GNG12: variants seen among roughly 807,000 people sequenced by gnomAD.
GNG12 encodes the protein G protein subunit gamma 12.
For missense variants in GNG12, 69 were observed against 83.8 expected, an observed-to-expected ratio of 0.82 and a Z score of 0.69; for synonymous variants, 28 against 29.7, an observed-to-expected ratio of 0.94 and a Z score of 0.19.
chr1:67,770,077 A>C (rs1437536653), intron 2 of GNG12, among the ~76,000 whole-genome samples: 1 of 152,208 alleles, frequency 6.6e-6, no homozygotes, highest in African/African-American at 2.4e-5. Context: ...TTAAGATGCG[A>C]AAGTGAAGGT....
chr1:67,792,907 T>C (rs1277549560), intron 1 of GNG12, among the ~76,000 whole-genome samples: 1 of 152,186 alleles, frequency 6.6e-6, no homozygotes. Context: ...AAGAGCAGTG[T>C]TTCCTTCATG....
At chr1:67,818,413 GTTTTTTT>G (rs1163831257) in intron 1 of GNG12, among the ~76,000 whole-genome samples, 1,655 of 83,904 alleles carry the variant, frequency 0.02, 43 homozygotes, top group African/African-American at 0.062. Context: ...AAGACCAGGG[GTTTTTTT>G]TTTTTTTTTT....
At chr1:67,771,875 A>G (rs998839457) in intron 2 of GNG12, among the ~76,000 whole-genome samples, 5 of 152,226 alleles carry the variant, frequency 3.3e-5, no homozygotes, top group African/African-American at 1.2e-4. Context: ...GGCAACTATG[A>G]TTGTGGAAAG....
intron 2 of GNG12, among the ~76,000 whole-genome samples, chr1:67,725,052 G>A (rs746893488): frequency 3.3e-5 from 5 of 152,066 alleles, no homozygotes; most frequent in Non-Finnish European, 7.4e-5. Context: ...AATGTCCACA[G>A]CACAAAGGAA....
At chr1:67,749,886 T>C (rs952171349) in intron 2 of GNG12, among the ~76,000 whole-genome samples, 2 of 152,224 alleles carry the variant, frequency 1.3e-5, no homozygotes, top group Non-Finnish European at 2.9e-5. Flanking sequence ...AGGTAAGGAC[T>C]CTGCCTCTCA....
chr1:67,737,633 G>C (rs1646459823), intron 2 of GNG12, among the ~76,000 whole-genome samples: 1 of 151,124 alleles, frequency 6.6e-6, no homozygotes, highest in Non-Finnish European at 1.5e-5. Flanking sequence ...AAATGTATAA[G>C]CACTAGCTTT....
chr1:67,783,016 C>A (rs1211219455), intron 1 of GNG12, among the ~76,000 whole-genome samples: 9 of 152,266 alleles, frequency 5.9e-5, no homozygotes, highest in African/African-American at 2.2e-4. Flanking sequence ...AACAATTTAT[C>A]TCTAGTCCTC....
At chr1:67,763,692 G>A (rs1157715024) in intron 2 of GNG12, among the ~76,000 whole-genome samples, 1 of 151,980 alleles carries the variant, frequency 6.6e-6, no homozygotes, top group East Asian at 1.9e-4. Flanking sequence ...TTTTACACAA[G>A]CATGTCCTTA....
At chr1:67,803,941 G>A (rs934538650) in intron 1 of GNG12, among the ~76,000 whole-genome samples, 16 of 152,200 alleles carry the variant, frequency 1.1e-4, no homozygotes, top group African/African-American at 3.9e-4. Context: ...CAAAAAACAC[G>A]CAACTGGAGA....
chr1:67,790,859 C>T (rs1301539624), intron 1 of GNG12, among the ~76,000 whole-genome samples: 1 of 152,124 alleles, frequency 6.6e-6, no homozygotes, highest in African/African-American at 2.4e-5. Context: ...CGTGATCTAC[C>T]CGCCTTGGCC....
chr1:67,714,799 T>C (rs1646315585), intron 2 of GNG12, among the ~76,000 whole-genome samples: 1 of 152,144 alleles, frequency 6.6e-6, no homozygotes, highest in Admixed American at 6.5e-5. Flanking sequence ...AAGGAGGCAA[T>C]CAATTTAAAA....
chr1:67,772,514 T>C (rs1646680513), intron 2 of GNG12: 2 of 152,218 alleles, frequency 1.3e-5, no homozygotes, highest in Admixed American at 6.5e-5. Flanking sequence ...GGCATTCTCA[T>C]TCTTTCCTTC....
intron 1 of GNG12, among the ~76,000 whole-genome samples, chr1:67,793,234 C>T (rs1246704251): frequency 2.6e-5 from 4 of 152,166 alleles, no homozygotes; most frequent in Non-Finnish European, 5.9e-5. Context: ...ATAAGTCAGA[C>T]TCAGCTTAGT....
At chr1:67,744,716 C>T (rs1168940227) in intron 2 of GNG12, among the ~76,000 whole-genome samples, 2 of 152,148 alleles carry the variant, frequency 1.3e-5, no homozygotes, top group African/African-American at 2.4e-5. Flanking sequence ...TAGAACCCTA[C>T]AAAGTATGTA....
intron 1 of GNG12, among the ~76,000 whole-genome samples, chr1:67,801,210 T>C (rs1199765783): frequency 6.6e-6 from 1 of 152,214 alleles, no homozygotes; most frequent in African/African-American, 2.4e-5. Context: ...ATGGGTCTTA[T>C]CATCCTCACC....
Position 67,713,397 on chromosome 1 carries a change from C to T in GNG12, c.-26-5685G>A, listed in dbSNP as rs1858340. ...TAATGCTGTGTTTCATCTGAATTCT[C>T]AGGTTCCTAGAAATTCCTAGGAACA... On this transcript the variant is annotated intron_variant, in intron 2 of 3. Coordinates refer to ENST00000370982, the MANE Select transcript of GNG12 (RefSeq NM_018841.6). Among the ~76,000 whole-genome samples, 1,467 of 152,272 alleles carry T rather than the reference C, an allele frequency of 9.6e-3. 28 individuals are homozygous for T. The highest frequency in any genetic ancestry group is 0.033 in the African/African-American group (1,389 of 41,548).
chr1:67,705,137 G>A lies in GNG12; in HGVS notation c.*314C>T, dbSNP rs202241300. The stretch of plus-strand genomic sequence containing the variant: ...TAGGCCATTTAGGTCCTGACATATC[G>A]GAATCCCTTGTATTTCTAAAGTATA... On this transcript the variant is annotated 3_prime_UTR_variant, in exon 4 of 4. Coordinates refer to ENST00000370982, the MANE Select transcript of GNG12 (RefSeq NM_018841.6). 17 of 186,802 alleles carry A rather than the reference G, an allele frequency of 9.1e-5. No individual in the cohort carries two copies. Among genetic ancestry groups the A allele is most frequent in the East Asian group, 4.6e-4 (3 of 6,482 alleles). The allele number at this position is 186,802 out of a possible 1,614,324, so 11.6% of individuals were successfully genotyped here. A position where few individuals can be genotyped will look rare whatever the true frequency, so the allele number is the denominator to read the frequency against.
intron 2 of GNG12, among the ~76,000 whole-genome samples, chr1:67,752,815 A>T (rs1453127611): frequency 6.6e-6 from 1 of 152,140 alleles, no homozygotes. Flanking sequence ...CACTAATCTG[A>T]GCTACAAATA....
chr1:67,823,747 G>A (rs146543869), intron 1 of GNG12, among the ~76,000 whole-genome samples: 3 of 152,182 alleles, frequency 2.0e-5, no homozygotes, highest in East Asian at 3.8e-4. Flanking sequence ...CAATCTTTCC[G>A]GAGGGGTACT....
Sources: allele counts gnomAD v4.1 joint callset (sites outside exome capture counted in the v4.1 genomes callset), GRCh38; gene constraint gnomAD v4.1.1; transcripts MANE v1.5; gene names NCBI Gene and HGNC (gene_info 2026-07-23, HGNC 2026-07-21).